NKAIN3: variants seen among roughly 807,000 people sequenced by gnomAD.
The protein encoded by NKAIN3 is sodium/potassium transporting ATPase interacting 3.
A neutral mutation model predicts 30.2 loss-of-function variants in NKAIN3; 25 were observed. The ratio of observed to expected loss-of-function variants is 0.83; its 90% CI spans 0.60 to 1.16. NKAIN3 has a LOEUF of 1.16. Ranked by LOEUF, NKAIN3 falls within the 50% of genes most tolerant of loss-of-function variation. The probability of loss-of-function intolerance (pLI) is 0.00; values close to 1 mark genes in which losing one functional copy is unlikely to be tolerated. For missense variants in NKAIN3, 225 were observed against 254.1 expected (o/e 0.89, Z 0.78); for synonymous variants, 91 against 89.6 (o/e 1.02, Z -0.09).
chr8:62,956,470 T>C (rs1449283827), intron 6 of NKAIN3, among the ~76,000 whole-genome samples: 1 of 152,144 alleles, frequency 6.6e-6, no homozygotes, highest in Non-Finnish European at 1.5e-5. Context: ...ACTGCAGAAT[T>C]GTACAGGAAG....
intron 1 of NKAIN3, among the ~76,000 whole-genome samples, chr8:62,519,723 C>T (rs574004366): frequency 2.6e-5 from 4 of 152,250 alleles, no homozygotes; most frequent in East Asian, 3.9e-4. Context: ...CATATAAAAA[C>T]ATCATTTTCA....
chr8:62,803,622 G>C (rs999875546), intron 4 of NKAIN3, among the ~76,000 whole-genome samples: 21 of 152,204 alleles, frequency 1.4e-4, no homozygotes, highest in African/African-American at 5.1e-4. Flanking sequence ...GCAGTGTGTA[G>C]AGGGAAATTT....
chr8:62,376,257 T>C (rs955774983), intron 1 of NKAIN3, among the ~76,000 whole-genome samples: 1 of 152,206 alleles, frequency 6.6e-6, no homozygotes. Context: ...GGGATTTTAA[T>C]GACTAACACC....
At chr8:62,453,667 A>T (rs1036012850) in intron 1 of NKAIN3, among the ~76,000 whole-genome samples, 2 of 152,182 alleles carry the variant, frequency 1.3e-5, no homozygotes, top group African/African-American at 4.8e-5. Flanking sequence ...AAGTTTAAAT[A>T]AACACAATCA....
At chr8:62,377,282 TA>T (rs1245354027) in intron 1 of NKAIN3, among the ~76,000 whole-genome samples, 5 of 152,204 alleles carry the variant, frequency 3.3e-5, no homozygotes, top group Non-Finnish European at 7.4e-5. Flanking sequence ...TTCATATACA[TA>T]AACACAGCTT....
chr8:62,899,267 A>C (rs934829627), intron 4 of NKAIN3, among the ~76,000 whole-genome samples: 2 of 152,244 alleles, frequency 1.3e-5, no homozygotes, highest in Non-Finnish European at 2.9e-5. Context: ...TATATCATAG[A>C]GATATCTGCA....
chr8:62,953,485 T>C (rs1823340194), intron 5 of NKAIN3, among the ~76,000 whole-genome samples: 1 of 152,166 alleles, frequency 6.6e-6, no homozygotes, highest in Admixed American at 6.5e-5. Context: ...ATAGATTGTG[T>C]GGCTTCTCAA....
At chr8:62,953,995 G>T in intron 6 of NKAIN3, 23 bp downstream of exon 6, 1 of 872,856 alleles carries the variant, frequency 1.1e-6, no homozygotes, top group Non-Finnish European at 1.4e-6. Context: ...GTGATGATAT[G>T]GAAAATATTA....
At chr8:62,759,806 A>G (rs1443191307) in intron 4 of NKAIN3, among the ~76,000 whole-genome samples, 2 of 152,212 alleles carry the variant, frequency 1.3e-5, no homozygotes, top group Admixed American at 6.5e-5. Context: ...ACAGCAAAAG[A>G]AACTACCATC....
chr8:62,846,686 T>G (rs1563590493), intron 4 of NKAIN3, among the ~76,000 whole-genome samples: 1 of 152,170 alleles, frequency 6.6e-6, no homozygotes, highest in Non-Finnish European at 1.5e-5. Context: ...CTGCATATTA[T>G]TCTGTGGTAT....
intron 3 of NKAIN3, among the ~76,000 whole-genome samples, chr8:62,606,654 G>T (rs1024574723): frequency 6.6e-6 from 1 of 152,134 alleles, no homozygotes; most frequent in Admixed American, 6.5e-5. Context: ...GCAATGGCTT[G>T]ACAGAATCAT....
rs927069886 is a variant in NKAIN3, at chr8:62,560,468, A to G, written c.55-19071A>G. On this transcript the variant is annotated intron_variant, in intron 1 of 6. Coordinates refer to ENST00000623646, the MANE Select transcript of NKAIN3 (RefSeq NM_001304533.3). ...TCATTTTTTTCAGCCTATTTTCTGT[A>G]TATTATTCATATGCATAATTTTTAT... 7.3e-5 allele frequency among the ~76,000 whole-genome samples: 10 copies of G among 137,300 alleles called. No homozygotes were observed. The South Asian group carries it at 9.6e-4, about 13-fold the overall frequency. 90.1% of individuals were successfully genotyped at this position (137,300 alleles called of 152,430 possible). A position where few individuals can be genotyped will look rare whatever the true frequency, so the allele number is the denominator to read the frequency against.
intron 3 of NKAIN3, among the ~76,000 whole-genome samples, chr8:62,683,571 A>G (rs1813711319): frequency 6.6e-6 from 1 of 152,208 alleles, no homozygotes. Context: ...AGTGCCCCAA[A>G]GTACTCTGTT....
At chr8:62,490,002 A>C (rs959205641) in intron 1 of NKAIN3, among the ~76,000 whole-genome samples, 3 of 152,194 alleles carry the variant, frequency 2.0e-5, no homozygotes, top group Non-Finnish European at 4.4e-5. Flanking sequence ...TAGGGTTTTA[A>C]CTATCAGATG....
At chr8:62,376,969 C>A (rs1418190951) in intron 1 of NKAIN3, among the ~76,000 whole-genome samples, 1 of 151,770 alleles carries the variant, frequency 6.6e-6, no homozygotes, top group East Asian at 1.9e-4. Flanking sequence ...ACAAAATAAC[C>A]CTGTAGAAAG....
At chr8:62,578,727 A>G (rs1475801737) in intron 1 of NKAIN3, among the ~76,000 whole-genome samples, 3 of 151,932 alleles carry the variant, frequency 2.0e-5, no homozygotes, top group Non-Finnish European at 4.4e-5. Context: ...TTTTGATCCA[A>G]TTATGTTATA....
rs571467175 is a variant in NKAIN3, at chr8:62,657,834, G to A, written c.273+68040G>A. Among the ~76,000 whole-genome samples, 7 of 152,256 alleles carry A rather than the reference G, an allele frequency of 4.6e-5. No individual in the cohort carries two copies. In the South Asian group the frequency reaches 6.2e-4, roughly 14 times the overall value. On this transcript the variant is annotated intron_variant, in intron 3 of 6. Transcript: ENST00000623646. ...TTTCTGAATGACCTTGGACAAGTTC[G>A]TGTCCCTTAGAGCCTGAAGTTCCTC...
intron 3 of NKAIN3, among the ~76,000 whole-genome samples, chr8:62,701,988 C>T (rs1038740924): frequency 1.3e-5 from 2 of 152,148 alleles, no homozygotes; most frequent in Non-Finnish European, 2.9e-5. Context: ...GCTAGGGCTC[C>T]CCAGCGGCTA....
At position 62,815,722 on chromosome 8, in the gene NKAIN3, AAAT is replaced by A. The variant is rs1175428478; in HGVS notation, c.471+68599_471+68601del. 1.8e-4 allele frequency among the ~76,000 whole-genome samples: 28 copies of A among 152,278 alleles called. No homozygotes were observed. In the South Asian group the frequency reaches 3.7e-3, roughly 20 times the overall value. ...TTAGGTATTGATGGGACCTATCTCAAAATAATAAGAGCTATCTATGACAAACCC... is the reference window on the plus strand; with the variant it reads ...TTAGGTATTGATGGGACCTATCTCAAAATAAGAGCTATCTATGACAAACCC... On this transcript the variant is annotated intron_variant, in intron 4 of 6. Coordinates refer to ENST00000623646, the MANE Select transcript of NKAIN3 (RefSeq NM_001304533.3).
Sources: gnomAD v4.1 joint callset for allele counts (sites outside exome capture counted in the v4.1 genomes callset) on GRCh38, gnomAD v4.1.1 for gene constraint, MANE v1.5 for transcripts, NCBI Gene and HGNC (gene_info 2026-07-23, HGNC 2026-07-21) for gene names.